The following CYFIP1 variants were observed in gnomAD, a reference collection of about 807,000 sequenced individuals.
CYFIP1 encodes the protein cytoplasmic FMR1 interacting protein 1.
Under a neutral mutation model 163.5 loss-of-function variants are expected in CYFIP1, and 58 were observed. The observed-to-expected ratio is 0.35, with a 90% CI of 0.29 to 0.44. The LOEUF is 0.44. Ranked by LOEUF, CYFIP1 falls within the 20% of genes least tolerant of loss-of-function variation. CYFIP1 has a pLI of 1.00. For missense variants in CYFIP1, 1,338 were observed against 1,653.8 expected (o/e 0.81, Z 3.31); for synonymous variants, 663 against 660.7 (o/e 1.00, Z -0.05).
Position 22,927,921 on chromosome 15 carries a change from C to A in CYFIP1, c.1218G>T (p.Ala406=). Residue 406 remains alanine, a synonymous_variant, in exon 12 of 31, where the codon GCG becomes GCT. Transcript: ENST00000617928. ...QGLQLLSQWS[A]HVMEVYSWKL... is the part of the protein sequence containing the mutation. ...CGGGGCCTACCACTTCCATCACGTG[C>A]GCGCTCCACTGCGACAACAGCTGCA... The A allele has an allele frequency of 1.2e-6, 2 of 1,605,714 alleles. No individual in the cohort carries two copies. Among genetic ancestry groups the A allele is most frequent in the South Asian group, 2.2e-5 (2 of 90,046 alleles).
intron 22 of CYFIP1, among the ~76,000 whole-genome samples, chr15:22,897,361 T>C (rs2060269597): frequency 1.3e-5 from 2 of 151,962 alleles, no homozygotes; most frequent in Admixed American, 1.3e-4. Flanking sequence ...GGGCAGGCAG[T>C]TGACTTACTT....
Position 22,934,622 on chromosome 15 carries a change from C to T in CYFIP1, c.901-729G>A, listed in dbSNP as rs1314078205. Among the ~76,000 whole-genome samples the T allele has an allele frequency of 7.3e-5, 11 of 149,902 alleles. No homozygotes were observed. In the East Asian group the frequency reaches 2.2e-3, roughly 29 times the overall value. On this transcript the variant is annotated intron_variant, in intron 9 of 30. Coordinates refer to ENST00000617928, the MANE Select transcript of CYFIP1 (RefSeq NM_014608.6). ...AAGAGATTCTCCTGCCTCAGCCTCC[C>T]GAGGAGCTGGGACTACAGGCAACTG... is the stretch of plus-strand genomic sequence containing the variant.
chr15:22,879,110 G>T (rs554353051), intron 26 of CYFIP1, among the ~76,000 whole-genome samples: 18 of 150,736 alleles, frequency 1.2e-4, no homozygotes, highest in East Asian at 1.9e-4. Flanking sequence ...CACTCCAGCC[G>T]GGGTGACAGA....
chr15:22,912,093 G>T, intron 18 of CYFIP1, 86 bp downstream of exon 18: 2 of 1,243,318 alleles, frequency 1.6e-6, no homozygotes, highest in South Asian at 2.8e-5. Flanking sequence ...ATATTTTAAA[G>T]AAAGTTGAAT....
intron 22 of CYFIP1, among the ~76,000 whole-genome samples, chr15:22,894,358 T>C (rs916451378): frequency 2.0e-5 from 3 of 147,254 alleles, no homozygotes; most frequent in Non-Finnish European, 4.5e-5. Context: ...GGTGTGATCT[T>C]GGCTCACCAC....
intron 23 of CYFIP1, among the ~76,000 whole-genome samples, chr15:22,886,047 G>A (rs1329029679): frequency 2.0e-5 from 3 of 152,134 alleles, no homozygotes; most frequent in Non-Finnish European, 2.9e-5. Context: ...CAATCATGGC[G>A]GAAGGTGAAG....
chr15:22,935,410 G>A (rs1422467885), intron 9 of CYFIP1, among the ~76,000 whole-genome samples: 1 of 152,174 alleles, frequency 6.6e-6, no homozygotes, highest in Non-Finnish European at 1.5e-5. Context: ...CTCCTACCAC[G>A]CGCAGAAGTC....
chr15:22,948,135 G>T (rs1271085310), intron 1 of CYFIP1: 2 of 259,000 alleles, frequency 7.7e-6, no homozygotes, highest in South Asian at 1.5e-4. Context: ...CAGTGGAACG[G>T]GTAGTCAGTC....
At chr15:22,900,968 C>T (rs111614781) in intron 22 of CYFIP1, among the ~76,000 whole-genome samples, 14,444 of 151,740 alleles carry the variant, frequency 0.095, 770 homozygotes, top group East Asian at 0.17. Context: ...TTTGGGTAGC[C>T]GAGGCGGGCA....
At chr15:22,873,909 C>T (rs963353009) in intron 28 of CYFIP1, among the ~76,000 whole-genome samples, 180 bp from the exon 29 acceptor site, 1 of 152,178 alleles carries the variant, frequency 6.6e-6, no homozygotes, top group Non-Finnish European at 1.5e-5. Flanking sequence ...AGGTGCATGC[C>T]ACCACACCCG....
chr15:22,910,892 C>A, intron 18 of CYFIP1, 79 bp from the exon 19 acceptor site: 1 of 1,248,522 alleles, frequency 8.0e-7, no homozygotes, highest in Non-Finnish European at 1.2e-6. Context: ...CAAAATGTTT[C>A]GTTAAGGCAA....
chr15:22,963,231 C>T lies in CYFIP1; in HGVS notation c.-6-15940G>A, dbSNP rs570932322. 2.4e-3 allele frequency among the ~76,000 whole-genome samples: 367 copies of T among 152,218 alleles called. 7 individuals are homozygous for T. Among genetic ancestry groups the T allele is most frequent in the African/African-American group, 8.3e-3 (346 of 41,526 alleles). On this transcript the variant is annotated intron_variant, in intron 1 of 30. Transcript: ENST00000617928. ...TTTAAAATGAGTAAGAAAGGCCAGA[C>T]GCGGTGGCTCACACCTGTAATCTCA...
intron 16 of CYFIP1, among the ~76,000 whole-genome samples, chr15:22,915,591 A>C (rs1412211062): frequency 6.6e-6 from 1 of 152,120 alleles, no homozygotes; most frequent in Admixed American, 6.5e-5. Context: ...TCTACTAAAA[A>C]TACAAAAATT....
At chr15:22,966,966 G>A (rs572322611) in intron 1 of CYFIP1, among the ~76,000 whole-genome samples, 5 of 151,800 alleles carry the variant, frequency 3.3e-5, no homozygotes, top group East Asian at 3.9e-4. Flanking sequence ...CAGAGATGCC[G>A]AGGGGACGCC....
Position 22,867,376 on chromosome 15 carries a change from T to G in CYFIP1, c.*2652A>C, listed in dbSNP as rs2059174267. 5.1e-6 allele frequency: 2 copies of G among 391,012 alleles called. No homozygotes were observed. The highest frequency in any genetic ancestry group is 2.1e-5 in the African/African-American group (1 of 48,450). 24.2% of individuals were successfully genotyped at this position (391,012 alleles called of 1,614,324 possible). ...AACTAAGTTACTGAATGAAGGAACC[T>G]CTTTCTTACAAAACAAAAAAAAGGG... On this transcript the variant is annotated 3_prime_UTR_variant, in exon 31 of 31. Coordinates refer to ENST00000617928, the MANE Select transcript of CYFIP1 (RefSeq NM_014608.6).
chr15:22,900,484 C>T (rs565895428), intron 22 of CYFIP1, among the ~76,000 whole-genome samples: 82 of 151,442 alleles, frequency 5.4e-4, no homozygotes, highest in Non-Finnish European at 9.7e-4. Flanking sequence ...CTGCAACCTC[C>T]GCTGCCCGGG....
At position 22,951,348 on chromosome 15, in the gene CYFIP1, A is replaced by G. The variant is rs752156298; in HGVS notation, c.-6-4057T>C. 8 of 1,189,446 alleles carry G rather than the reference A, an allele frequency of 6.7e-6. No individual in the cohort carries two copies. The South Asian group carries it at 1.2e-4, about 17-fold the overall frequency. 73.7% of individuals were successfully genotyped at this position (1,189,446 alleles called of 1,614,324 possible). A position where few individuals can be genotyped will look rare whatever the true frequency, so the allele number is the denominator to read the frequency against. On this transcript the variant is annotated intron_variant, in intron 1 of 30. Coordinates refer to ENST00000617928, the MANE Select transcript of CYFIP1 (RefSeq NM_014608.6). ...TCCACATCACAGCTTCCTGTTCCAC[A>G]CACCTCAGAAAGGAGCAGTGCAGGG...
At chr15:22,877,264 C>A (rs1804932870) in intron 26 of CYFIP1, among the ~76,000 whole-genome samples, 1 of 152,178 alleles carries the variant, frequency 6.6e-6, no homozygotes, top group Non-Finnish European at 1.5e-5. Flanking sequence ...CTCTTGGCAA[C>A]ACCCGCTTCC....
intron 1 of CYFIP1, chr15:22,951,341 G>T: frequency 8.5e-7 from 1 of 1,182,358 alleles, no homozygotes; most frequent in Non-Finnish European, 1.1e-6. Context: ...ACAGCTTCCT[G>T]TTCCACACAC....
Sources: allele counts gnomAD v4.1 joint callset (sites outside exome capture counted in the v4.1 genomes callset), GRCh38; gene constraint gnomAD v4.1.1; transcripts MANE v1.5; gene names NCBI Gene and HGNC (gene_info 2026-07-23, HGNC 2026-07-21).